The following COL16A1 variants were observed in gnomAD, a reference collection of about 807,000 sequenced individuals.
The protein encoded by COL16A1 is collagen alpha-1(XVI) chain.
In COL16A1, 189 loss-of-function variants were observed where a neutral mutation model predicts 266.3. The observed-to-expected ratio is 0.71, with a 90% CI of 0.63 to 0.80. The LOEUF is 0.80. Among genes scored for constraint, COL16A1 ranks in the 30% least tolerant of loss-of-function variants. The pLI is 0.00. For missense variants in COL16A1, 1,928 were observed against 2,122.4 expected (o/e 0.91, Z 1.80); for synonymous variants, 740 against 782.3 (o/e 0.95, Z 0.90).
chr1:31,689,271 CG>C (rs1399378082), intron 23 of COL16A1, 186 bp from the exon 24 acceptor site: 14 of 965,366 alleles, frequency 1.5e-5, no homozygotes, highest in Non-Finnish European at 1.8e-5. Context: ...AGGAGCGTGG[CG>C]GGGGGAATGA....
At chr1:31,672,229 ACTGGGGAGAAAGAGTGTGTCCTACG>A (rs1346513088) in intron 47 of COL16A1, among the ~76,000 whole-genome samples, 162 bp downstream of exon 47, 2 of 152,168 alleles carry the variant, frequency 1.3e-5, no homozygotes, top group African/African-American at 2.4e-5. Flanking sequence ...GCAGCTGGGC[ACTGGGGAGAAAGAGTGTGTCCTACG>A]CTGGGTCCTG....
intron 34 of COL16A1, 44 bp downstream of exon 34, chr1:31,683,663 T>C: frequency 3.1e-6 from 5 of 1,593,324 alleles, no homozygotes; most frequent in Non-Finnish European, 3.4e-6. Flanking sequence ...AGCTGGCTAA[T>C]GGAAGTGCTG....
At chr1:31,654,971 C>CTTTTTTTTTTT in intron 67 of COL16A1, 113 bp from the exon 68 acceptor site, 1 of 411,826 alleles carries the variant, frequency 2.4e-6, no homozygotes. Flanking sequence ...CCCACAGATT[C>CTTTTTTTTTTT]TTTTTTTTTT....
rs16834664 is a variant in COL16A1 at position 31,667,518 on chromosome 1, G to A, written c.3357+57C>T. Reference sequence around the variant, plus strand: ...CAGGCTGCTGCCAAGTCTCCAGCCCGAGACTGTGTGGCTCCACGTGCAGCC... The same window carrying A: ...CAGGCTGCTGCCAAGTCTCCAGCCCAAGACTGTGTGGCTCCACGTGCAGCC... On this transcript the variant is annotated intron_variant, in intron 52 of 70. Transcript: ENST00000373672. 10,741 of 1,460,572 alleles carry A rather than the reference G, an allele frequency of 7.4e-3. 492 individuals are homozygous for A. The African/African-American group carries it at 0.11, about 15-fold the overall frequency. The allele number at this position is 1,460,572 out of a possible 1,614,324, so 90.5% of individuals were successfully genotyped here.
chr1:31,666,266 C>T (rs1469564859), intron 52 of COL16A1, 185 bp from the exon 53 acceptor site: 2 of 640,250 alleles, frequency 3.1e-6, no homozygotes, highest in South Asian at 2.2e-5. Flanking sequence ...GAACCAGCCT[C>T]CTAACTCGTC....
Position 31,693,166 on chromosome 1 carries a change from AC to A in COL16A1, c.1009-13del. The A allele has an allele frequency of 6.3e-7, 1 of 1,590,636 alleles. No individual in the cohort carries two copies. Among genetic ancestry groups the A allele is most frequent in the Non-Finnish European group, 8.6e-7 (1 of 1,158,950 alleles). ...TCACCTTTCCCTCCCTGAGAGTGAAACCAGAATGGAAGATAGGACCAGAGGG... is the reference window on the plus strand; with the variant it reads ...TCACCTTTCCCTCCCTGAGAGTGAAACAGAATGGAAGATAGGACCAGAGGG... On this transcript the variant is annotated splice_polypyrimidine_tract_variant and intron_variant, in intron 12 of 70. Coordinates refer to ENST00000373672, the MANE Select transcript of COL16A1 (RefSeq NM_001856.4).
intron 66 of COL16A1, chr1:31,655,989 C>A: frequency 3.2e-6 from 1 of 309,206 alleles, no homozygotes; most frequent in Non-Finnish European, 6.1e-6. Context: ...GTGCTCCTCC[C>A]TCTCATCCCA....
intron 3 of COL16A1, 51 bp downstream of exon 3, chr1:31,699,990 C>CCT (rs765328084): frequency 3.9e-5 from 62 of 1,606,944 alleles, no homozygotes; most frequent in Non-Finnish European, 3.8e-5. Context: ...GTACAGATCA[C>CCT]TCCCAGAGGA....
intron 16 of COL16A1, 92 bp downstream of exon 16, chr1:31,692,382 C>T (rs1218746614): frequency 2.0e-6 from 3 of 1,510,142 alleles, no homozygotes; most frequent in Non-Finnish European, 2.7e-6. Context: ...CACTGACACC[C>T]TCTCCTCAGA....
Position 31,697,409 on chromosome 1 carries a change from G to A in COL16A1, c.658-109C>T. On this transcript the variant is annotated intron_variant, in intron 6 of 70. Coordinates refer to ENST00000373672, the MANE Select transcript of COL16A1 (RefSeq NM_001856.4). This position sits in a 1 kb window ranked among gnomAD's most constrained non-coding sequence, Gnocchi z 4.2. ...CTGCCCCAGGATGTGACCTCAGGGT[G>A]TTTCCAGTCTGGCCTGGGAGACATC... 8.9e-7 allele frequency: 1 copy of A among 1,129,460 alleles called. No homozygotes were observed. The highest frequency in any genetic ancestry group is 1.3e-6 in the Non-Finnish European group (1 of 794,948). 70.0% of individuals were successfully genotyped at this position (1,129,460 alleles called of 1,614,324 possible). A position where few individuals can be genotyped will look rare whatever the true frequency, so the allele number is the denominator to read the frequency against.
At position 31,690,547 on chromosome 1, in the gene COL16A1, T is replaced by C. The variant is rs1324480770; in HGVS notation, c.1464A>G (p.Glu488=). ...CACTCACAGGTTTCCCACCAGGGCC[T>C]TCCTTTCCTGGGATCCCCGAGCTGC... is the stretch of plus-strand genomic sequence containing the variant. ...DKGSSGIPGK[E]GPGGKPGKPG... is the part of the protein sequence containing the mutation. Residue 488 remains glutamate (E), a synonymous_variant, in exon 21 of 71, where the codon GAA becomes GAG. Coordinates refer to ENST00000373672, the MANE Select transcript of COL16A1 (RefSeq NM_001856.4). 4.3e-6 allele frequency: 7 copies of C among 1,613,762 alleles called. No homozygotes were observed. The highest frequency in any genetic ancestry group is 5.9e-6 in the Non-Finnish European group (7 of 1,179,888).
intron 42 of COL16A1, among the ~76,000 whole-genome samples, chr1:31,675,893 G>T (rs1643141427): frequency 1.3e-5 from 2 of 152,122 alleles, no homozygotes; most frequent in Non-Finnish European, 2.9e-5. Context: ...CTGGGCTTAA[G>T]TGATCCTCCC....
intron 42 of COL16A1, chr1:31,679,393 G>A: frequency 2.0e-6 from 3 of 1,522,028 alleles, no homozygotes; most frequent in Non-Finnish European, 2.7e-6. Flanking sequence ...CAGATTGTGG[G>A]TGCCTGACAG....
In COL16A1 at chr1:31,657,134, T is replaced by A; in HGVS notation, c.4021-66A>T. On this transcript the variant is annotated intron_variant, in intron 64 of 70. Transcript: ENST00000373672. This position sits in a 1 kb window ranked among gnomAD's most constrained non-coding sequence, Gnocchi z 6.4. ...CCAGTTTGGTGTCAGATGCCTCACT[T>A]TGTACATGGGGCAAGCCCAGCCCCC... 1 of 1,601,104 alleles carries A rather than the reference T, an allele frequency of 6.2e-7. No individual in the cohort carries two copies. The highest frequency in any genetic ancestry group is 1.1e-5 in the South Asian group (1 of 90,848).
intron 49 of COL16A1, among the ~76,000 whole-genome samples, chr1:31,669,541 G>A (rs151276844): frequency 6.3e-4 from 95 of 151,818 alleles, no homozygotes; most frequent in African/African-American, 2.1e-3. Context: ...AAGAGATGAC[G>A]CCCAAACCTT....
At chr1:31,692,395 A>G (rs1644311464) in intron 16 of COL16A1, 79 bp downstream of exon 16, 16 of 1,535,424 alleles carry the variant, frequency 1.0e-5, no homozygotes, top group African/African-American at 1.4e-5. Context: ...TCCTCAGAGA[A>G]CCCCGACTCC....
chr1:31,659,413 C>T (rs1031565713), intron 62 of COL16A1, among the ~76,000 whole-genome samples: 1 of 152,128 alleles, frequency 6.6e-6, no homozygotes, highest in Non-Finnish European at 1.5e-5. Context: ...GCACTGACCC[C>T]GACATCCATA....
chr1:31,680,417 C>T (rs1643546396), intron 39 of COL16A1, among the ~76,000 whole-genome samples: 1 of 152,200 alleles, frequency 6.6e-6, no homozygotes, highest in Non-Finnish European at 1.5e-5. Context: ...TTATAACCTT[C>T]TCTGCTGCCA....
At chr1:31,653,403 G>T in intron 70 of COL16A1, 196 bp downstream of exon 70, 1 of 603,226 alleles carries the variant, frequency 1.7e-6, no homozygotes, top group Admixed American at 3.3e-5. Flanking sequence ...AGGACTTAAG[G>T]ACAGGTACTG....
Sources: allele counts gnomAD v4.1 joint callset (sites outside exome capture counted in the v4.1 genomes callset), GRCh38; gene constraint gnomAD v4.1.1; non-coding constraint Gnocchi (gnomAD v3.1); transcripts MANE v1.5; gene names NCBI Gene and HGNC (gene_info 2026-07-23, HGNC 2026-07-21).